CDH26: variants seen among roughly 807,000 people sequenced by gnomAD.
The protein encoded by CDH26 is cadherin 26, also known as cadherin-like protein 26.
In CDH26, 83 loss-of-function variants were observed where a neutral mutation model predicts 90.3. That is an observed-to-expected ratio of 0.92 (90% CI 0.77 to 1.10). CDH26 has a LOEUF of 1.10. Among genes scored for constraint, CDH26 ranks in the 50% least tolerant of loss-of-function variants. The pLI is 0.00. For synonymous variants in CDH26, 397 were observed against 396.3 expected, an observed-to-expected ratio of 1.00 and a Z score of -0.02; for missense variants, 1,013 against 1,037.6, an observed-to-expected ratio of 0.98 and a Z score of 0.33.
At chr20:59,996,198 T>C in intron 12 of CDH26, 144 bp downstream of exon 12, 1 of 1,012,484 alleles carries the variant, frequency 9.9e-7, no homozygotes, top group Non-Finnish European at 1.4e-6. Flanking sequence ...GTACTCAGGC[T>C]CCTAGATGTA....
intron 2 of CDH26, among the ~76,000 whole-genome samples, chr20:59,969,510 A>T (rs1234676325): frequency 6.6e-6 from 1 of 152,218 alleles, no homozygotes; most frequent in African/African-American, 2.4e-5. Flanking sequence ...CTTCACTTAT[A>T]ATAGATGGTA....
intron 7 of CDH26, chr20:59,986,244 T>A (rs1289241160): frequency 2.0e-5 from 3 of 152,210 alleles, no homozygotes; most frequent in East Asian, 3.9e-4. Context: ...ACTGCAGTGA[T>A]CATTTAAAAA....
In CDH26 at chr20:60,012,744, T is replaced by A. The variant is rs186088282; in HGVS notation, c.*14T>A. The A allele has an allele frequency of 1.9e-6, 3 of 1,607,432 alleles. No individual in the cohort carries two copies. The East Asian group carries it at 6.7e-5, about 36-fold the overall frequency. ...GTTCCTTCCTAAAAAAAAAAGTCTA[T>A]TTTGGAGAATTGAAATAATTCATGG... On this transcript the variant is annotated 3_prime_UTR_variant, in exon 18 of 18. Transcript: ENST00000348616.
chr20:60,023,963 GAGAGA>G (rs2061977827), intron 7 of CDH26, among the ~76,000 whole-genome samples: 2 of 113,870 alleles, frequency 1.8e-5, no homozygotes, highest in Non-Finnish European at 4.2e-5. Flanking sequence ...GACAGAGGGA[GAGAGA>G]GAGAGAGAGA....
chr20:59,990,513 A>G (rs560144221), intron 9 of CDH26, among the ~76,000 whole-genome samples: 1 of 152,336 alleles, frequency 6.6e-6, no homozygotes, highest in East Asian at 1.9e-4. Flanking sequence ...TTACAGCAAC[A>G]CTTCTCAACT....
intron 7 of CDH26, 27 bp from the exon 8 acceptor site, chr20:59,987,426 C>T: frequency 1.3e-6 from 2 of 1,583,672 alleles, no homozygotes; most frequent in Non-Finnish European, 1.7e-6. Context: ...GTTTCCATGA[C>T]ATGGACATGA....
At chr20:60,011,091 T>C (rs2146021491) in intron 17 of CDH26, among the ~76,000 whole-genome samples, 1 of 152,196 alleles carries the variant, frequency 6.6e-6, no homozygotes, top group East Asian at 1.9e-4. Flanking sequence ...CTCGCCCCAA[T>C]GAGTGGAGAT....
chr20:59,963,000 T>C (rs531587022), intron 1 of CDH26, among the ~76,000 whole-genome samples: 1 of 152,256 alleles, frequency 6.6e-6, no homozygotes, highest in East Asian at 1.9e-4. Context: ...GCCTAGAGAC[T>C]TGAATAGGAA....
chr20:60,031,116 C>T, intron 7 of CDH26: 1 of 1,003,548 alleles, frequency 1.0e-6, no homozygotes, highest in Non-Finnish European at 1.2e-6. Context: ...CCTGATGTTG[C>T]CATGGCATTT....
chr20:60,005,364 GTATATGTC>G (rs143578262), intron 16 of CDH26, among the ~76,000 whole-genome samples: 8,876 of 152,030 alleles, frequency 0.058, 867 homozygotes, highest in African/African-American at 0.2. Context: ...AACTGTATAT[GTATATGTC>G]TATATGTCTA....
At chr20:59,965,905 A>G (rs2061142608) in intron 1 of CDH26, among the ~76,000 whole-genome samples, 1 of 152,198 alleles carries the variant, frequency 6.6e-6, no homozygotes, top group Admixed American at 6.5e-5. Flanking sequence ...GTTGATCATT[A>G]GGAAGCCATT....
At position 59,996,037 on chromosome 20, in the gene CDH26, C is replaced by A; in HGVS notation, c.1871C>A (p.Ala624Glu). Reference protein sequence around the residue: ...HVGALFPVCAAFVALAVALLF... With the variant: ...HVGALFPVCAEFVALAVALLF... Reference sequence around the variant, plus strand: ...GGGGCCCTGTTCCCTGTCTGTGCAGCATTTGTGGCTCTGGCAGGTCAGTGG... The same window carrying A: ...GGGGCCCTGTTCCCTGTCTGTGCAGAATTTGTGGCTCTGGCAGGTCAGTGG... The change falls in exon 12 of 18, where the codon GCA becomes GAA. Residue 624 changes from alanine (A) to glutamate (E), a missense_variant. Transcript: ENST00000348616. 1 of 1,613,302 alleles carries A rather than the reference C, an allele frequency of 6.2e-7. No homozygotes were observed. The highest frequency in any genetic ancestry group is 8.5e-7 in the Non-Finnish European group (1 of 1,179,998).
At position 59,992,555 on chromosome 20, in the gene CDH26, C is replaced by T. The variant is rs1464951164; in HGVS notation, c.1426+35C>T. ...TACCCAAAATTGGAAAAATAAAATG[C>T]TCATTCTTGCTTCCTGCGGGAAAAT... On this transcript the variant is annotated intron_variant, in intron 10 of 17. Transcript: ENST00000348616. This position sits in a 1 kb window ranked among gnomAD's most constrained non-coding sequence, Gnocchi z 5.0. 6 of 1,608,576 alleles carry T rather than the reference C, an allele frequency of 3.7e-6. No individual in the cohort carries two copies. The East Asian group carries it at 1.1e-4, about 30-fold the overall frequency.
At chr20:59,998,298 C>A (rs2061627266) in intron 13 of CDH26, among the ~76,000 whole-genome samples, 1 of 152,118 alleles carries the variant, frequency 6.6e-6, no homozygotes, top group Non-Finnish European at 1.5e-5. Context: ...AGGAGACTGG[C>A]AGGAATGTCA....
intron 2 of CDH26, among the ~76,000 whole-genome samples, chr20:59,969,467 T>C (rs1016145772): frequency 2.6e-5 from 4 of 152,224 alleles, no homozygotes; most frequent in Non-Finnish European, 5.9e-5. Flanking sequence ...AACTTACATT[T>C]TTGTTGATAA....
intron 7 of CDH26, among the ~76,000 whole-genome samples, chr20:60,023,747 C>G (rs1231780645): frequency 3.3e-5 from 5 of 152,100 alleles, no homozygotes; most frequent in East Asian, 1.9e-4. Context: ...TAATTTGGAG[C>G]CTTGCAGGGT....
chr20:60,026,105 C>T (rs763013625), intron 7 of CDH26, among the ~76,000 whole-genome samples: 4 of 152,116 alleles, frequency 2.6e-5, no homozygotes, highest in Non-Finnish European at 5.9e-5. Context: ...GAGGTGAAGT[C>T]CCACAAAGTG....
chr20:59,988,969 C>A lies in CDH26; in HGVS notation c.1089C>A (p.Leu363=). The part of the protein sequence containing the change: ...LIIVVENEER[L]VFCERGKLQP... The stretch of plus-strand genomic sequence containing the variant: ...TTGTCGTGGAGAATGAGGAGAGGCT[C>A]GTCTTCTGTGAGAGAGGAAAGCTTC... The change falls in exon 9 of 18, where the codon CTC becomes CTA. Residue 363 remains leucine (L), a synonymous_variant. Coordinates refer to ENST00000348616, the MANE Select transcript of CDH26 (RefSeq NM_177980.4). The A allele has an allele frequency of 6.2e-7, 1 of 1,614,140 alleles. No homozygotes were observed.
At chr20:59,981,775 A>G (rs996944269) in intron 4 of CDH26, among the ~76,000 whole-genome samples, 3 of 152,172 alleles carry the variant, frequency 2.0e-5, no homozygotes, top group Admixed American at 6.5e-5. Flanking sequence ...TTAGTCTCAT[A>G]TAATCAGTTG....
Sources: gnomAD v4.1 joint callset for allele counts (sites outside exome capture counted in the v4.1 genomes callset) on GRCh38, gnomAD v4.1.1 for gene constraint, Gnocchi (gnomAD v3.1) non-coding constraint, MANE v1.5 for transcripts, NCBI Gene and HGNC (gene_info 2026-07-23, HGNC 2026-07-21) for gene names.